Variants in LPCAT3 observed in about 807,000 individuals in gnomAD.
LPCAT3 encodes the protein lysophosphatidylcholine acyltransferase 3.
A neutral mutation model predicts 63.4 loss-of-function variants in LPCAT3; 21 were observed. The ratio of observed to expected loss-of-function variants is 0.33; its 90% CI spans 0.23 to 0.48. The LOEUF is 0.48. LPCAT3 is among the 20% of genes least tolerant of loss of function. The pLI is 0.99. For synonymous variants in LPCAT3, 242 were observed against 227.5 expected, an observed-to-expected ratio of 1.06 and a Z score of -0.58; for missense variants, 451 against 590.6, an observed-to-expected ratio of 0.76 and a Z score of 2.45.
chr12:6,992,940 T>C (rs2138344819), intron 1 of LPCAT3, among the ~76,000 whole-genome samples: 1 of 152,322 alleles, frequency 6.6e-6, no homozygotes, highest in East Asian at 1.9e-4. Context: ...ATAATGTAAA[T>C]GCAATGCAAA....
At chr12:6,994,291 T>C (rs1029566107) in intron 1 of LPCAT3, among the ~76,000 whole-genome samples, 2 of 152,182 alleles carry the variant, frequency 1.3e-5, no homozygotes, top group Admixed American at 1.3e-4. Context: ...CACGGCAACC[T>C]CCGCTTCCCA....
At chr12:7,010,279 T>G (rs1946753039) in intron 1 of LPCAT3, among the ~76,000 whole-genome samples, 1 of 152,238 alleles carries the variant, frequency 6.6e-6, no homozygotes, top group Non-Finnish European at 1.5e-5. Flanking sequence ...AGGGTCTTAC[T>G]CTTCCTGATC....
intron 9 of LPCAT3, 95 bp downstream of exon 9, chr12:6,978,246 G>T: frequency 7.1e-7 from 1 of 1,418,102 alleles, no homozygotes; most frequent in Non-Finnish European, 9.6e-7. Flanking sequence ...AGATGGGAAA[G>T]ACGCATAGGG....
Position 6,981,817 on chromosome 12 carries a change from G to A in LPCAT3, c.454C>T (p.Leu152=). The change falls in exon 4 of 13, where the codon CTG becomes TTG. Residue 152 remains leucine (L), a synonymous_variant. Coordinates refer to ENST00000261407, the MANE Select transcript of LPCAT3 (RefSeq NM_005768.6). The part of the protein sequence containing the change: ...TMPHCVLTLK[L]IGLAVDYFDG... ...GGCAGTGACCATCACTCACCAATCA[G>A]CTTCAAAGTCAGAACACAATGTGGC... The A allele has an allele frequency of 1.2e-6, 2 of 1,612,632 alleles. No homozygotes were observed. The highest frequency in any genetic ancestry group is 1.7e-6 in the Non-Finnish European group (2 of 1,178,634).
intron 2 of LPCAT3, 25 bp downstream of exon 2, chr12:6,983,407 G>A: frequency 1.4e-6 from 2 of 1,472,368 alleles, no homozygotes; most frequent in Non-Finnish European, 1.9e-6. Flanking sequence ...TAATTGCGGT[G>A]TCACTGCTAA....
In LPCAT3 at chr12:6,997,377, TTATGTG is replaced by T. The variant is rs1368752362; in HGVS notation, c.152-13844_152-13839del. 12 of 91,716 alleles carry T rather than the reference TTATGTG, an allele frequency of 1.3e-4. No homozygotes were observed. In the South Asian group the frequency reaches 3.1e-3, roughly 23 times the overall value. The allele number at this position is 91,716 out of a possible 1,614,324, so 5.7% of individuals were successfully genotyped here. A position where few individuals can be genotyped will look rare whatever the true frequency, so the allele number is the denominator to read the frequency against. On this transcript the variant is annotated intron_variant, in intron 1 of 12. Transcript: ENST00000261407. ...GCCATGCCCCCAAAACAACAGCAAA[TTATGTG>T]TGTGTGTGTGTGTGTGTGTGTGTGT...
At chr12:6,986,712 GGCAGAGGTTGCAGTGA>G (rs1197352858) in intron 1 of LPCAT3, among the ~76,000 whole-genome samples, 18 of 150,916 alleles carry the variant, frequency 1.2e-4, no homozygotes, top group African/African-American at 3.9e-4. Context: ...GAACCTGGGA[GGCAGAGGTTGCAGTGA>G]GCAGAGATTG....
At chr12:6,992,082 G>T (rs1946594817) in intron 1 of LPCAT3, among the ~76,000 whole-genome samples, 1 of 151,568 alleles carries the variant, frequency 6.6e-6, no homozygotes, top group Admixed American at 6.6e-5. Flanking sequence ...AAAAAAAAAA[G>T]ATTTATTCAA....
intron 1 of LPCAT3, among the ~76,000 whole-genome samples, chr12:6,983,905 GGCTGAGGCAAGGGGATTGCTTGA>G (rs1312292416): frequency 6.6e-6 from 1 of 152,122 alleles, no homozygotes; most frequent in East Asian, 1.9e-4. Context: ...CACTCTGGGA[GGCTGAGGCAAGGGGATTGCTTGA>G]GCCGAGGAGT....
At chr12:6,998,627 T>A (rs1320331310) in intron 1 of LPCAT3, among the ~76,000 whole-genome samples, 2 of 152,256 alleles carry the variant, frequency 1.3e-5, no homozygotes, top group Admixed American at 6.5e-5. Flanking sequence ...ATCTCATTAC[T>A]GACCCACTCT....
chr12:7,005,707 G>A (rs1946721164), intron 1 of LPCAT3, among the ~76,000 whole-genome samples: 1 of 152,088 alleles, frequency 6.6e-6, no homozygotes, highest in Non-Finnish European at 1.5e-5. Flanking sequence ...AGCTTTTCAC[G>A]AGCTTATTGG....
rs1486430363 is a variant in LPCAT3, at chr12:6,977,544, C to T, written c.1189-19G>A. The T allele has an allele frequency of 1.9e-6, 3 of 1,614,016 alleles. No homozygotes were observed. The African/African-American group carries it at 4.0e-5, about 22-fold the overall frequency. ...TGGCAGCCTGGGGAGGGAGGAGGAG[C>T]TCATCAGCATCTTGTCCCTTATATT... is the stretch of plus-strand genomic sequence containing the variant. On this transcript the variant is annotated intron_variant, in intron 10 of 12. Coordinates refer to ENST00000261407, the MANE Select transcript of LPCAT3 (RefSeq NM_005768.6). This position sits in a 1 kb window ranked among gnomAD's most constrained non-coding sequence, Gnocchi z 4.5.
chr12:6,978,832 T>C, intron 7 of LPCAT3, 143 bp from the exon 8 acceptor site: 1 of 1,195,390 alleles, frequency 8.4e-7, no homozygotes, highest in Non-Finnish European at 1.2e-6. Flanking sequence ...TCTGGCCTGA[T>C]TGCCTTCACA....
intron 1 of LPCAT3, chr12:6,988,020 C>T: frequency 2.6e-6 from 1 of 388,920 alleles, no homozygotes; most frequent in Non-Finnish European, 4.5e-6. Flanking sequence ...TACGGCAGGC[C>T]TTAGAAACCA....
Position 6,976,821 on chromosome 12 carries a change from T to G in LPCAT3, c.*83A>C. The G allele has an allele frequency of 4.7e-6, 1 of 210,868 alleles. No individual in the cohort carries two copies. Among genetic ancestry groups the G allele is most frequent in the South Asian group, 1.1e-4 (1 of 9,108 alleles). 13.1% of individuals were successfully genotyped at this position (210,868 alleles called of 1,614,324 possible). A position where few individuals can be genotyped will look rare whatever the true frequency, so the allele number is the denominator to read the frequency against. On this transcript the variant is annotated 3_prime_UTR_variant, in exon 13 of 13. Transcript: ENST00000261407. ...TTCCACCTCCCTGGCTTTTCCATTC[T>G]CTGCTCTGGGGCAAAGGAGTGCTGT...
chr12:6,999,446 C>T (rs1396598751), intron 1 of LPCAT3, among the ~76,000 whole-genome samples: 2 of 152,218 alleles, frequency 1.3e-5, no homozygotes, highest in African/African-American at 4.8e-5. Context: ...TTTACTCTCT[C>T]AACCCAGCCA....
intron 5 of LPCAT3, 124 bp from the exon 6 acceptor site, chr12:6,981,306 G>A: frequency 1.3e-6 from 1 of 796,858 alleles, no homozygotes; most frequent in Non-Finnish European, 2.0e-6. Flanking sequence ...CTCTTTGGGG[G>A]ATGACAAATA....
chr12:7,002,051 C>T (rs1243483331), intron 1 of LPCAT3, among the ~76,000 whole-genome samples: 1 of 152,132 alleles, frequency 6.6e-6, no homozygotes, highest in Non-Finnish European at 1.5e-5. Flanking sequence ...TAGAAGCAAT[C>T]TAGCACAGCT....
chr12:7,018,160 C>T lies in LPCAT3; in HGVS notation c.151+114G>A. 7.9e-7 allele frequency: 1 copy of T among 1,267,600 alleles called. No individual in the cohort carries two copies. The highest frequency in any genetic ancestry group is 1.3e-5 in the South Asian group (1 of 75,234). 78.5% of individuals were successfully genotyped at this position (1,267,600 alleles called of 1,614,324 possible). A position where few individuals can be genotyped will look rare whatever the true frequency, so the allele number is the denominator to read the frequency against. ...TGGTGTGCTTCAGGATTCACACCCG[C>T]ACCCGGCACAGCCCTCCCGGGTGGC... On this transcript the variant is annotated intron_variant, in intron 1 of 12. Coordinates refer to ENST00000261407, the MANE Select transcript of LPCAT3 (RefSeq NM_005768.6). This position sits in a 1 kb window ranked among gnomAD's most constrained non-coding sequence, Gnocchi z 4.9.
Sources: allele counts gnomAD v4.1 joint callset (sites outside exome capture counted in the v4.1 genomes callset), GRCh38; gene constraint gnomAD v4.1.1; non-coding constraint Gnocchi (gnomAD v3.1); transcripts MANE v1.5; gene names NCBI Gene and HGNC (gene_info 2026-07-23, HGNC 2026-07-21).